Variants in CDH4 observed in about 807,000 individuals in gnomAD.
The protein encoded by CDH4 is cadherin-4.
CDH4 carries 33 observed loss-of-function variants against 86.0 expected under a neutral mutation model. That is an observed-to-expected ratio of 0.38 (90% CI 0.29 to 0.51). CDH4 has a LOEUF of 0.51. Among genes scored for constraint, CDH4 ranks in the 20% least tolerant of loss-of-function variants. The probability of loss-of-function intolerance (pLI) is 0.86; values close to 1 mark genes in which losing one functional copy is unlikely to be tolerated. For missense variants in CDH4, 1,114 were observed against 1,307.4 expected (o/e 0.85, Z 2.28); for synonymous variants, 555 against 549.4 (o/e 1.01, Z -0.14).
At chr20:61,755,598 A>C (rs1219333474) in intron 3 of CDH4, among the ~76,000 whole-genome samples, 2 of 146,344 alleles carry the variant, frequency 1.4e-5, no homozygotes, top group Admixed American at 1.3e-4. Flanking sequence ...CACCACATAC[A>C]CAGTGCATGC....
At chr20:61,932,793 G>A (rs967138951) in intron 13 of CDH4, among the ~76,000 whole-genome samples, 192 bp from the exon 14 acceptor site, 1 of 152,248 alleles carries the variant, frequency 6.6e-6, no homozygotes, top group Non-Finnish European at 1.5e-5. Context: ...GTGCACAGAT[G>A]TGTCCTTGCA....
At chr20:61,701,620 C>T (rs1600890629) in intron 2 of CDH4, among the ~76,000 whole-genome samples, 3 of 152,304 alleles carry the variant, frequency 2.0e-5, no homozygotes, top group South Asian at 4.1e-4. Flanking sequence ...AGCGGGTCTA[C>T]GGATCAGTTG....
intron 2 of CDH4, among the ~76,000 whole-genome samples, chr20:61,539,401 C>T (rs147606522): frequency 5.6e-4 from 86 of 152,322 alleles, no homozygotes; most frequent in Admixed American, 3.1e-3. Context: ...GTGGGAAGAG[C>T]TGGCTTCTTC....
rs1555809253 is a variant in CDH4 at position 61,565,405 on chromosome 20, C to CGGTGCTCTT, written c.170-178156_170-178148dup. Among the ~76,000 whole-genome samples, 168 of 21,004 alleles carry CGGTGCTCTT rather than the reference C, an allele frequency of 8.0e-3. 33 individuals carry two copies. Among genetic ancestry groups the CGGTGCTCTT allele is most frequent in the Middle Eastern group, 0.067 (2 of 30 alleles). The allele number at this position is 21,004 out of a possible 152,430, so 13.8% of individuals were successfully genotyped here. A position where few individuals can be genotyped will look rare whatever the true frequency, so the allele number is the denominator to read the frequency against. On this transcript the variant is annotated intron_variant, in intron 2 of 15. Transcript: ENST00000614565. ...CTTGGTGATGGGGTGATGGTGGTGG[C>CGGTGCTCTT]GGTGCTCTTGCTATTGTTGTTGCTG...
At position 61,501,591 on chromosome 20, in the gene CDH4, G is replaced by A. The variant is rs573092590; in HGVS notation, c.170-241972G>A. Among the ~76,000 whole-genome samples, 1 of 152,280 alleles carries A rather than the reference G, an allele frequency of 6.6e-6. No homozygotes were observed. The highest frequency in any genetic ancestry group is 2.1e-4 in the South Asian group (1 of 4,826). On this transcript the variant is annotated intron_variant, in intron 2 of 15. Coordinates refer to ENST00000614565, the MANE Select transcript of CDH4 (RefSeq NM_001794.5). The surrounding 1 kb of genome is among the most constrained non-coding windows in gnomAD (Gnocchi z 4.2). Reference sequence around the variant, plus strand: ...TGGGCCTGCATCTCTGCGGCCCGGAGACGCTGACTCCAGTTGCCTAACAGA... The same window carrying A: ...TGGGCCTGCATCTCTGCGGCCCGGAAACGCTGACTCCAGTTGCCTAACAGA...
At chr20:61,415,120 G>A (rs1009940751) in intron 2 of CDH4, among the ~76,000 whole-genome samples, 9 of 152,206 alleles carry the variant, frequency 5.9e-5, no homozygotes, top group Non-Finnish European at 1.3e-4. Flanking sequence ...TTCAGTGGTG[G>A]TTCTCCAAGT....
intron 2 of CDH4, among the ~76,000 whole-genome samples, chr20:61,721,740 G>A (rs1347005137): frequency 6.6e-6 from 1 of 152,190 alleles, no homozygotes; most frequent in Non-Finnish European, 1.5e-5. Flanking sequence ...GATCGGTCAA[G>A]GACCTCGTGA....
Position 61,605,956 on chromosome 20 carries a change from G to T in CDH4, c.170-137607G>T, listed in dbSNP as rs79189181. Among the ~76,000 whole-genome samples the T allele has an allele frequency of 5.8e-3, 888 of 151,812 alleles. 3 individuals are homozygous for T. Among genetic ancestry groups the T allele is most frequent in the Middle Eastern group, 0.024 (7 of 290 alleles). ...GCTGGTAAGTCAAGGACCTCAGCAT[G>T]ATTTGCCCCTGGGATGAGGAGGCCC... On this transcript the variant is annotated intron_variant, in intron 2 of 15. Coordinates refer to ENST00000614565, the MANE Select transcript of CDH4 (RefSeq NM_001794.5).
At position 61,553,121 on chromosome 20, in the gene CDH4, G is replaced by A. The variant is rs550215765; in HGVS notation, c.170-190442G>A. ...TCAGCCATATAAAGGAATGAAGTCC[G>A]TATGCAAGCTACAACATAGATAAGC... On this transcript the variant is annotated intron_variant, in intron 2 of 15. Transcript: ENST00000614565. Among the ~76,000 whole-genome samples, 7 of 152,334 alleles carry A rather than the reference G, an allele frequency of 4.6e-5. No individual in the cohort carries two copies. In the South Asian group the frequency reaches 6.2e-4, roughly 14 times the overall value.
At position 61,416,409 on chromosome 20, in the gene CDH4, C is replaced by T. The variant is rs548300507; in HGVS notation, c.169+161472C>T. ...GGCTCATTGTTTCTCACAGCTGCTG[C>T]GCAATTTACATTCCCACAGCAGTTC... On this transcript the variant is annotated intron_variant, in intron 2 of 15. Coordinates refer to ENST00000614565, the MANE Select transcript of CDH4 (RefSeq NM_001794.5). 2.4e-3 allele frequency among the ~76,000 whole-genome samples: 366 copies of T among 152,310 alleles called. 5 individuals are homozygous for T. The highest frequency in any genetic ancestry group is 8.5e-3 in the African/African-American group (354 of 41,556).
In CDH4 at chr20:61,928,277, C is replaced by G; in HGVS notation, c.1859C>G (p.Ala620Gly). 6.2e-7 allele frequency: 1 copy of G among 1,609,618 alleles called. No homozygotes were observed. The highest frequency in any genetic ancestry group is 2.2e-5 in the East Asian group (1 of 44,886). The change falls in exon 12 of 16, where the codon GCG (alanine) becomes GGG (glycine). Residue 620 changes from alanine to glycine, a missense_variant. This residue lies in a region of CDH4 where 705 missense variants were observed against 914.1 expected (regional missense o/e 0.77). Coordinates refer to ENST00000614565, the MANE Select transcript of CDH4 (RefSeq NM_001794.5). ...GCCCCTGAGCTGCTGCCCAAGGAGG[C>G]GCAGATCTGCGAGAAGCCCAACCTG... ...DNAPELLPKE[A>G]QICEKPNLNA...
intron 2 of CDH4, among the ~76,000 whole-genome samples, chr20:61,486,375 C>T (rs2085596586): frequency 6.6e-6 from 1 of 152,178 alleles, no homozygotes; most frequent in African/African-American, 2.4e-5. Flanking sequence ...CATCACAGTC[C>T]CAGGACAGGT....
chr20:61,726,699 T>C (rs1475319954), intron 2 of CDH4, among the ~76,000 whole-genome samples: 1 of 146,832 alleles, frequency 6.8e-6, no homozygotes, highest in Non-Finnish European at 1.5e-5. Context: ...TCATCACCAT[T>C]GGTGCTATCA....
At chr20:61,530,839 A>C (rs981780409) in intron 2 of CDH4, among the ~76,000 whole-genome samples, 1 of 152,102 alleles carries the variant, frequency 6.6e-6, no homozygotes, top group Admixed American at 6.5e-5. Flanking sequence ...AGCCTCTTGC[A>C]GCCTTCTTCA....
chr20:61,413,899 G>A (rs1044976173), intron 2 of CDH4, among the ~76,000 whole-genome samples: 2 of 152,110 alleles, frequency 1.3e-5, no homozygotes, highest in African/African-American at 4.8e-5. Flanking sequence ...CTTCAACATG[G>A]CTCATTTTCT....
At chr20:61,264,686 A>G (rs1270190528) in intron 2 of CDH4, among the ~76,000 whole-genome samples, 1 of 148,506 alleles carries the variant, frequency 6.7e-6, no homozygotes, top group Non-Finnish European at 1.5e-5. Context: ...AATCTTACAC[A>G]TATCTCAGTG....
chr20:61,796,081 A>C (rs571162938), intron 4 of CDH4, among the ~76,000 whole-genome samples: 3 of 151,908 alleles, frequency 2.0e-5, no homozygotes, highest in African/African-American at 7.3e-5. Flanking sequence ...TCAAGCCCAG[A>C]CCACCATCCA....
chr20:61,627,779 G>A (rs1255895369), intron 2 of CDH4, among the ~76,000 whole-genome samples: 3 of 152,078 alleles, frequency 2.0e-5, no homozygotes, highest in Admixed American at 6.5e-5. Flanking sequence ...CCTTTGATGT[G>A]GAGGAGGGTG....
At chr20:61,905,597 G>A (rs1463661386) in intron 8 of CDH4, among the ~76,000 whole-genome samples, 4 of 152,190 alleles carry the variant, frequency 2.6e-5, no homozygotes, top group Admixed American at 6.5e-5. Context: ...CCTTGCCCCT[G>A]CTGCCTGCAA....
Sources: gnomAD v4.1 joint callset for allele counts (sites outside exome capture counted in the v4.1 genomes callset) on GRCh38, gnomAD v4.1.1 for gene constraint, gnomAD v4.1.1 regional missense constraint, Gnocchi (gnomAD v3.1) non-coding constraint, MANE v1.5 for transcripts, NCBI Gene and HGNC (gene_info 2026-07-23, HGNC 2026-07-21) for gene names.